The following DCUN1D2 variants were observed in gnomAD, a reference collection of about 807,000 sequenced individuals.
DCUN1D2 encodes defective in cullin neddylation 1 domain containing 2, also known as DCN1-like protein 2.
In DCUN1D2, 29 loss-of-function variants were observed where a neutral mutation model predicts 30.9. The observed-to-expected ratio is 0.94, with a 90% confidence interval of 0.70 to 1.28. The LOEUF (loss-of-function observed/expected upper bound fraction) is 1.28. Ranked by LOEUF, DCUN1D2 falls within the 50% of genes most tolerant of loss-of-function variation. The pLI is 0.00. For synonymous variants in DCUN1D2, 121 were observed against 115.3 expected (o/e 1.05, Z -0.32); for missense variants, 325 against 316.9 (o/e 1.03, Z -0.19).
chr13:113,469,144 G>GTACA (rs377549264), intron 4 of DCUN1D2, among the ~76,000 whole-genome samples: 3 of 148,066 alleles, frequency 2.0e-5, no homozygotes, highest in Admixed American at 1.3e-4. Context: ...CTACACGCCT[G>GTACA]CACACACACA....
At chr13:113,466,491 G>C (rs531638466) in intron 4 of DCUN1D2, among the ~76,000 whole-genome samples, 149 of 152,224 alleles carry the variant, frequency 9.8e-4, no homozygotes, top group Non-Finnish European at 1.6e-3. Context: ...CCCTTCTTTT[G>C]ATATGCTAAG....
At chr13:113,474,036 C>T in intron 4 of DCUN1D2, 88 bp downstream of exon 4, 2 of 1,516,974 alleles carry the variant, frequency 1.3e-6, no homozygotes, top group Non-Finnish European at 1.8e-6. Flanking sequence ...AAAAACATTA[C>T]AGTTGGCTGC....
At position 113,467,781 on chromosome 13, in the gene DCUN1D2, T is replaced by C. The variant is rs576670363; in HGVS notation, c.520+6343A>G. ...AAAGCGGGCCGGGCGCGGTGGCTCATGCCTGTAATCCCAGCACTTTGGGAG... is the reference window on the plus strand; with the variant it reads ...AAAGCGGGCCGGGCGCGGTGGCTCACGCCTGTAATCCCAGCACTTTGGGAG... On this transcript the variant is annotated intron_variant, in intron 4 of 6. Coordinates refer to ENST00000478244, the MANE Select transcript of DCUN1D2 (RefSeq NM_001014283.2). 3.3e-3 allele frequency among the ~76,000 whole-genome samples: 495 copies of C among 152,210 alleles called. 1 individual carries two copies. The highest frequency in any genetic ancestry group is 5.4e-3 in the Non-Finnish European group (370 of 68,006).
At chr13:113,461,218 C>A in intron 4 of DCUN1D2, 82 bp from the exon 5 acceptor site, 1 of 828,812 alleles carries the variant, frequency 1.2e-6, no homozygotes, top group South Asian at 1.7e-5. Flanking sequence ...CTTAGCATGT[C>A]AATATTTACT....
intron 4 of DCUN1D2, among the ~76,000 whole-genome samples, chr13:113,463,350 A>C (rs2044348662): frequency 6.6e-6 from 1 of 152,184 alleles, no homozygotes; most frequent in South Asian, 2.1e-4. Context: ...ACCTTAGGGC[A>C]GACATAAAAA....
intron 4 of DCUN1D2, chr13:113,463,163 C>T (rs1344479608): frequency 1.2e-5 from 2 of 160,942 alleles, no homozygotes; most frequent in African/African-American, 4.8e-5. Flanking sequence ...GGAAACAAGA[C>T]CAACAGCTAC....
intron 4 of DCUN1D2, among the ~76,000 whole-genome samples, chr13:113,472,477 AG>A (rs1360742785): frequency 6.6e-6 from 1 of 152,166 alleles, no homozygotes; most frequent in East Asian, 1.9e-4. Flanking sequence ...GCAGACAGGA[AG>A]GGAGCGGTCA....
At chr13:113,483,119 C>T (rs942083841) in intron 2 of DCUN1D2, among the ~76,000 whole-genome samples, 20 of 152,188 alleles carry the variant, frequency 1.3e-4, no homozygotes, top group African/African-American at 4.8e-4. Flanking sequence ...AATAAGTCAG[C>T]TCTTAGACTG....
chr13:113,485,711 G>A (rs1244912688), intron 1 of DCUN1D2, among the ~76,000 whole-genome samples: 10 of 151,850 alleles, frequency 6.6e-5, no homozygotes, highest in Non-Finnish European at 1.2e-4. Flanking sequence ...AAATACCAGA[G>A]GACGATTCTG....
chr13:113,468,595 C>CGTGCCA (rs1396546553), intron 4 of DCUN1D2, among the ~76,000 whole-genome samples: 1 of 152,122 alleles, frequency 6.6e-6, no homozygotes, highest in Non-Finnish European at 1.5e-5. Flanking sequence ...AAACGCGAGA[C>CGTGCCA]GTGCCACGCT....
At chr13:113,481,764 G>T (rs1428006366) in intron 2 of DCUN1D2, among the ~76,000 whole-genome samples, 1 of 151,328 alleles carries the variant, frequency 6.6e-6, no homozygotes, top group Non-Finnish European at 1.5e-5. Flanking sequence ...CACGCCTATA[G>T]TCCCAGCTAC....
At chr13:113,471,689 A>T (rs780838726) in intron 4 of DCUN1D2, among the ~76,000 whole-genome samples, 3 of 152,240 alleles carry the variant, frequency 2.0e-5, no homozygotes, top group Non-Finnish European at 4.4e-5. Context: ...GACCAAGAAG[A>T]TTGGCTTATC....
At chr13:113,470,617 C>A (rs183842369) in intron 4 of DCUN1D2, among the ~76,000 whole-genome samples, 1 of 149,696 alleles carries the variant, frequency 6.7e-6, no homozygotes, top group Non-Finnish European at 1.5e-5. Flanking sequence ...CCACAAGGGA[C>A]CCAACTCCAC....
At chr13:113,466,885 C>T (rs527400665) in intron 4 of DCUN1D2, among the ~76,000 whole-genome samples, 77 of 149,558 alleles carry the variant, frequency 5.1e-4, no homozygotes, top group African/African-American at 1.8e-3. Context: ...CGGCTCACTG[C>T]AAGCTCCACC....
At chr13:113,485,587 A>G (rs1032525726) in intron 1 of DCUN1D2, among the ~76,000 whole-genome samples, 5 of 152,030 alleles carry the variant, frequency 3.3e-5, no homozygotes, top group South Asian at 2.1e-4. Context: ...ACAAAGTTCA[A>G]TGTCCCCTCA....
intron 3 of DCUN1D2, chr13:113,476,243 T>C (rs2044615834): frequency 6.6e-6 from 1 of 152,232 alleles, no homozygotes; most frequent in African/African-American, 2.4e-5. Flanking sequence ...CCAGAGTGGA[T>C]GGCTGGGTCA....
chr13:113,490,737 C>G, upstream of DCUN1D2: 2 of 1,165,328 alleles, frequency 1.7e-6, no homozygotes, highest in East Asian at 4.1e-5. The surrounding 1 kb of genome is among the most constrained non-coding windows in gnomAD (Gnocchi z 5.2). Flanking sequence ...GCTCCGCCCT[C>G]GTCCTCGGAC....
intron 3 of DCUN1D2, among the ~76,000 whole-genome samples, chr13:113,479,829 T>C (rs2044676972): frequency 2.0e-5 from 3 of 152,370 alleles, no homozygotes; most frequent in Middle Eastern, 3.4e-3. Flanking sequence ...TATTATATAC[T>C]GCACATAACT....
Position 113,456,244 on chromosome 13 carries a change from C to G in DCUN1D2, c.*1785G>C, listed in dbSNP as rs1228722288. The G allele has an allele frequency of 1.0e-5, 4 of 398,676 alleles. No homozygotes were observed. Among genetic ancestry groups the G allele is most frequent in the Non-Finnish European group, 1.8e-5 (4 of 226,186 alleles). The allele number at this position is 398,676 out of a possible 1,614,324, so 24.7% of individuals were successfully genotyped here. A position where few individuals can be genotyped will look rare whatever the true frequency, so the allele number is the denominator to read the frequency against. The stretch of plus-strand genomic sequence containing the variant: ...GGGAAGGTCTGTCACTTGCCCATCA[C>G]TGGACCAGCCAGAAGCCAGCGGGGG... On this transcript the variant is annotated 3_prime_UTR_variant, in exon 7 of 7. Transcript: ENST00000478244.
Sources: gnomAD v4.1 joint callset for allele counts (sites outside exome capture counted in the v4.1 genomes callset) on GRCh38, gnomAD v4.1.1 for gene constraint, Gnocchi (gnomAD v3.1) non-coding constraint, MANE v1.5 for transcripts, NCBI Gene and HGNC (gene_info 2026-07-23, HGNC 2026-07-21) for gene names.